Variants in NELL2 observed in about 807,000 individuals in gnomAD.
NELL2 encodes the protein protein kinase C-binding protein NELL2.
A neutral mutation model predicts 109.6 loss-of-function variants in NELL2; 41 were observed. That is an observed-to-expected ratio of 0.37 (90% CI 0.29 to 0.49). NELL2 has a LOEUF of 0.49. NELL2 is among the 20% of genes least tolerant of loss of function. NELL2 has a pLI of 0.98. For missense variants in NELL2, 900 were observed against 1,008.3 expected, an observed-to-expected ratio of 0.89 and a Z score of 1.45; for synonymous variants, 355 against 344.7, an observed-to-expected ratio of 1.03 and a Z score of -0.33.
chr12:44,850,562 T>C (rs1944504247), intron 2 of NELL2, among the ~76,000 whole-genome samples: 1 of 152,326 alleles, frequency 6.6e-6, no homozygotes, highest in East Asian at 1.9e-4. Flanking sequence ...CTTTCATTTA[T>C]CAAACAAGAC....
chr12:44,784,773 CA>C (rs1360265413), intron 3 of NELL2, among the ~76,000 whole-genome samples: 9 of 151,906 alleles, frequency 5.9e-5, no homozygotes, highest in Admixed American at 6.6e-5. Flanking sequence ...GAACCAGTGA[CA>C]AAAAAACATA....
intron 3 of NELL2, among the ~76,000 whole-genome samples, chr12:44,798,915 G>C (rs1322209618): frequency 6.7e-6 from 1 of 149,308 alleles, no homozygotes; most frequent in African/African-American, 2.5e-5. Flanking sequence ...TATTCATATA[G>C]GGGAAAAAAG....
intron 13 of NELL2, among the ~76,000 whole-genome samples, chr12:44,656,453 C>T (rs1344691425): frequency 6.6e-6 from 1 of 152,084 alleles, no homozygotes; most frequent in African/African-American, 2.4e-5. Flanking sequence ...AGAAAAGTGC[C>T]CAGTTGAAAG....
chr12:44,896,909 G>C (rs1322809951), intron 1 of NELL2, among the ~76,000 whole-genome samples: 1 of 152,180 alleles, frequency 6.6e-6, no homozygotes, highest in Non-Finnish European at 1.5e-5. Flanking sequence ...AAAGCTACAG[G>C]GATTCTGGAC....
At chr12:44,797,665 A>G (rs1471741652) in intron 3 of NELL2, among the ~76,000 whole-genome samples, 2 of 151,912 alleles carry the variant, frequency 1.3e-5, no homozygotes, top group Admixed American at 6.6e-5. Context: ...GAAAATTAAA[A>G]TCATTAATGG....
intron 14 of NELL2, among the ~76,000 whole-genome samples, 154 bp from the exon 15 acceptor site, chr12:44,607,418 A>G (rs1945448142): frequency 6.6e-6 from 1 of 152,146 alleles, no homozygotes; most frequent in Non-Finnish European, 1.5e-5. Context: ...CATACATTTA[A>G]GAAACTTCAA....
chr12:44,668,087 A>G (rs974271306), intron 12 of NELL2, among the ~76,000 whole-genome samples: 2 of 152,136 alleles, frequency 1.3e-5, no homozygotes, highest in African/African-American at 4.8e-5. Context: ...CTACATCCCT[A>G]GAGCACCATG....
intron 2 of NELL2, among the ~76,000 whole-genome samples, chr12:44,852,154 C>G (rs760143486): frequency 6.6e-6 from 1 of 152,106 alleles, no homozygotes; most frequent in Non-Finnish European, 1.5e-5. Flanking sequence ...ATTTGATTTA[C>G]TCTTTTTCTT....
intron 12 of NELL2, among the ~76,000 whole-genome samples, chr12:44,688,027 G>A (rs1310587329): frequency 6.6e-6 from 1 of 152,130 alleles, no homozygotes; most frequent in Non-Finnish European, 1.5e-5. Context: ...TTCATGCAAT[G>A]TAATTATCAA....
chr12:44,811,337 T>TAAAAAAAAAAAAAAAAAAAAA (rs10683929), intron 3 of NELL2, among the ~76,000 whole-genome samples: 1 of 103,210 alleles, frequency 9.7e-6, no homozygotes, highest in Non-Finnish European at 1.8e-5. Context: ...GAACTAAAAG[T>TAAAAAAAAAAAAAAAAAAAAA]AAAAAAAAAA....
intron 9 of NELL2, among the ~76,000 whole-genome samples, chr12:44,728,095 A>ACAAAAAT (rs1315942586): frequency 2.0e-5 from 3 of 151,930 alleles, no homozygotes; most frequent in African/African-American, 4.8e-5. Flanking sequence ...CAGCCTAATA[A>ACAAAAAT]AAAAAATAAA....
At chr12:44,919,315 T>A (rs994986485) in intron 1 of NELL2, among the ~76,000 whole-genome samples, 1 of 151,902 alleles carries the variant, frequency 6.6e-6, no homozygotes, top group African/African-American at 2.4e-5. Context: ...GTAAAAATGA[T>A]AAATTATTAA....
intron 12 of NELL2, among the ~76,000 whole-genome samples, chr12:44,702,409 T>A (rs926197988): frequency 6.6e-6 from 1 of 152,084 alleles, no homozygotes; most frequent in Non-Finnish European, 1.5e-5. Flanking sequence ...CGAATATACT[T>A]AGTAGCATCA....
At chr12:44,535,241 C>T (rs923908636) in intron 15 of NELL2, among the ~76,000 whole-genome samples, 1 of 151,852 alleles carries the variant, frequency 6.6e-6, no homozygotes, top group Non-Finnish European at 1.5e-5. Flanking sequence ...TGTTCCTACA[C>T]TTTTGATGGG....
chr12:44,666,131 T>A (rs1244174299), intron 12 of NELL2, among the ~76,000 whole-genome samples: 1 of 152,160 alleles, frequency 6.6e-6, no homozygotes, highest in Non-Finnish European at 1.5e-5. Flanking sequence ...CCAGTAAGTA[T>A]CTAAATACAG....
chr12:44,715,951 C>T (rs957893606), intron 9 of NELL2, among the ~76,000 whole-genome samples: 3 of 151,976 alleles, frequency 2.0e-5, no homozygotes, highest in African/African-American at 7.2e-5. Flanking sequence ...CATATTTTTA[C>T]TTTTAAATTT....
intron 9 of NELL2, among the ~76,000 whole-genome samples, chr12:44,729,706 A>AT (rs34492664): frequency 0.021 from 3,049 of 147,316 alleles, 102 homozygotes; most frequent in African/African-American, 0.07. Flanking sequence ...AGCTTCCAGG[A>AT]TTTTTTTTTT....
chr12:44,623,451 T>C (rs958545843), intron 13 of NELL2, among the ~76,000 whole-genome samples: 5 of 152,124 alleles, frequency 3.3e-5, no homozygotes, highest in Non-Finnish European at 7.4e-5. Flanking sequence ...TCTCTTTTGA[T>C]AATGTGGTTA....
At chr12:44,556,623 C>T (rs1163741277) in intron 15 of NELL2, among the ~76,000 whole-genome samples, 1 of 152,148 alleles carries the variant, frequency 6.6e-6, no homozygotes, top group African/African-American at 2.4e-5. Flanking sequence ...ATGTGAGGGG[C>T]TTTGTTAAAG....
Sources: allele counts gnomAD v4.1 joint callset (sites outside exome capture counted in the v4.1 genomes callset), GRCh38; gene constraint gnomAD v4.1.1; transcripts MANE v1.5; gene names NCBI Gene and HGNC (gene_info 2026-07-23, HGNC 2026-07-21).